Variants in EYS observed in about 807,000 individuals in gnomAD.
EYS encodes protein eyes shut homolog.
A neutral mutation model predicts 282.1 loss-of-function variants in EYS; 250 were observed. The ratio of observed to expected loss-of-function variants is 0.89; its 90% CI spans 0.80 to 0.98. EYS has a LOEUF of 0.98. EYS is among the 50% of genes least tolerant of loss of function. The pLI is 0.00. For synonymous variants in EYS, 1,355 were observed against 1,282.9 expected (o/e 1.06, Z -1.20); for missense variants, 4,016 against 3,709.0 (o/e 1.08, Z -2.15).
chr6:64,670,329 C>T (rs879226686), intron 22 of EYS, among the ~76,000 whole-genome samples: 1 of 151,804 alleles, frequency 6.6e-6, no homozygotes, highest in Admixed American at 6.6e-5. Flanking sequence ...ATTTCAACAG[C>T]CTTGAACGAA....
rs116020258 is a variant in EYS, at chr6:64,057,895, G to A, written c.6725+8443C>T. Among the ~76,000 whole-genome samples the A allele has an allele frequency of 2.9e-3, 434 of 152,146 alleles. 2 individuals carry two copies. Among genetic ancestry groups the A allele is most frequent in the African/African-American group, 0.01 (416 of 41,510 alleles). On this transcript the variant is annotated intron_variant, in intron 33 of 42. Transcript: ENST00000503581. ...CACCCAGGCTGGAGTTTGGTGGTAC[G>A]ACCTTGGCTCACTGCAGCCTCAACC...
intron 1 of EYS, among the ~76,000 whole-genome samples, chr6:65,645,458 T>C: frequency 6.6e-6 from 1 of 152,120 alleles, no homozygotes; most frequent in Non-Finnish European, 1.5e-5. Context: ...AAAGTGAAGA[T>C]GGATATTAAA....
At chr6:65,660,375 C>G (rs908443098) in intron 1 of EYS, among the ~76,000 whole-genome samples, 1 of 151,660 alleles carries the variant, frequency 6.6e-6, no homozygotes, top group Admixed American at 6.6e-5. Flanking sequence ...AATTTATAAA[C>G]CTTCAAATAA....
intron 22 of EYS, among the ~76,000 whole-genome samples, chr6:64,677,737 T>A (rs6914456): frequency 0.95 from 144,313 of 151,928 alleles, 68,963 homozygotes; most frequent in East Asian, 1. Flanking sequence ...TTATAAATTT[T>A]AAAAAAATGT....
intron 33 of EYS, among the ~76,000 whole-genome samples, chr6:64,041,672 AT>A (rs2149837662): frequency 6.6e-6 from 1 of 152,318 alleles, no homozygotes; most frequent in African/African-American, 2.4e-5. Flanking sequence ...GTACATACCA[AT>A]TTCCCTATGT....
At chr6:63,959,324 G>A (rs1303629967) in intron 35 of EYS, among the ~76,000 whole-genome samples, 1 of 152,082 alleles carries the variant, frequency 6.6e-6, no homozygotes, top group Non-Finnish European at 1.5e-5. Context: ...ACCATTTCAT[G>A]CCAGTCAGAA....
intron 12 of EYS, among the ~76,000 whole-genome samples, chr6:65,204,575 C>A (rs1156600535): frequency 6.6e-6 from 1 of 151,832 alleles, no homozygotes; most frequent in Non-Finnish European, 1.5e-5. Flanking sequence ...CAATACTCTC[C>A]ATCATAAAAG....
intron 31 of EYS, among the ~76,000 whole-genome samples, chr6:64,219,949 C>T (rs1766047934): frequency 6.6e-6 from 1 of 152,016 alleles, no homozygotes; most frequent in Non-Finnish European, 1.5e-5. Context: ...ACAAATAGCG[C>T]ATGTTCTCAC....
intron 36 of EYS, among the ~76,000 whole-genome samples, chr6:63,858,615 A>C (rs1772453807): frequency 6.6e-6 from 1 of 152,152 alleles, no homozygotes; most frequent in Non-Finnish European, 1.5e-5. Flanking sequence ...TTTCTTGAGC[A>C]CTTTTTTTCT....
intron 35 of EYS, among the ~76,000 whole-genome samples, chr6:63,925,894 T>G (rs1191020317): frequency 6.6e-6 from 1 of 152,216 alleles, no homozygotes; most frequent in Non-Finnish European, 1.5e-5. Flanking sequence ...TCCGCCCACC[T>G]CGGCCTCCCA....
At chr6:64,612,328 C>T (rs1301689914) in intron 24 of EYS, among the ~76,000 whole-genome samples, 1 of 152,096 alleles carries the variant, frequency 6.6e-6, no homozygotes, top group Non-Finnish European at 1.5e-5. Flanking sequence ...CCAATAGACA[C>T]TCATCGGTTA....
chr6:64,660,858 T>G lies in EYS; in HGVS notation c.3444-34613A>C, dbSNP rs1326290435. Among the ~76,000 whole-genome samples, 9 of 152,184 alleles carry G rather than the reference T, an allele frequency of 5.9e-5. No individual in the cohort carries two copies. In the South Asian group the frequency reaches 1.5e-3, roughly 25 times the overall value. On this transcript the variant is annotated intron_variant, in intron 22 of 42. Transcript: ENST00000503581. ...ATGCCATCCCCATCAAGCTACCAAT[T>G]ACTTTCTTCACAGAATTGGAAAAAA...
intron 8 of EYS, among the ~76,000 whole-genome samples, chr6:65,377,926 A>C (rs1026206197): frequency 2.6e-5 from 4 of 152,068 alleles, no homozygotes; most frequent in Non-Finnish European, 4.4e-5. Context: ...CCTACCAACC[A>C]AAAAAAGCCA....
chr6:64,686,916 CAT>C (rs1366492026), intron 22 of EYS, among the ~76,000 whole-genome samples: 1 of 115,576 alleles, frequency 8.7e-6, no homozygotes, highest in Non-Finnish European at 1.9e-5. Context: ...TATATACACA[CAT>C]ATATATACGT....
At chr6:63,911,775 T>C (rs985961737) in intron 35 of EYS, among the ~76,000 whole-genome samples, 1 of 152,144 alleles carries the variant, frequency 6.6e-6, no homozygotes, top group Non-Finnish European at 1.5e-5. Flanking sequence ...TACCATGAGG[T>C]TTTATAACTC....
At chr6:65,552,801 T>G (rs1768646462) in intron 2 of EYS, among the ~76,000 whole-genome samples, 1 of 152,160 alleles carries the variant, frequency 6.6e-6, no homozygotes, top group African/African-American at 2.4e-5. Context: ...ATCTTTCATA[T>G]TAGAGCTAAG....
At chr6:64,323,790 C>T (rs1165444258) in intron 29 of EYS, among the ~76,000 whole-genome samples, 3 of 152,048 alleles carry the variant, frequency 2.0e-5, no homozygotes, top group Non-Finnish European at 4.4e-5. Flanking sequence ...AGAAATATGT[C>T]CATAATGGAC....
At position 63,806,138 on chromosome 6, in the gene EYS, A is replaced by G. The variant is rs544961803; in HGVS notation, c.7411+52T>C. ...ATTAGAGTGTCCCTGAGGAATCTCT[A>G]AAGTATTCTTAAAGGAGCGAGGCAA... On this transcript the variant is annotated intron_variant, in intron 37 of 42. Coordinates refer to ENST00000503581, the MANE Select transcript of EYS (RefSeq NM_001142800.2). The G allele has an allele frequency of 3.5e-6, 5 of 1,445,864 alleles. No individual in the cohort carries two copies. In the South Asian group the frequency reaches 3.9e-5, roughly 11 times the overall value. The allele number at this position is 1,445,864 out of a possible 1,614,324, so 89.6% of individuals were successfully genotyped here. A position where few individuals can be genotyped will look rare whatever the true frequency, so the allele number is the denominator to read the frequency against.
chr6:65,273,557 A>G (rs1767961515), intron 12 of EYS, among the ~76,000 whole-genome samples: 1 of 152,138 alleles, frequency 6.6e-6, no homozygotes, highest in Non-Finnish European at 1.5e-5. Flanking sequence ...GACACCCCCA[A>G]TCCAGAGCAA....
Sources: allele counts gnomAD v4.1 joint callset (sites outside exome capture counted in the v4.1 genomes callset), GRCh38; gene constraint gnomAD v4.1.1; transcripts MANE v1.5; gene names NCBI Gene and HGNC (gene_info 2026-07-23, HGNC 2026-07-21).